Variants in CATSPERT observed in about 807,000 individuals in gnomAD.
The protein encoded by CATSPERT is cation channel sperm-associated targeting subunit tau.
At chr2:201,558,114 T>C in the CATSPERT span, 16 of 152,344 alleles carry the variant, frequency 1.1e-4, no homozygotes, top group African/African-American at 3.4e-4. Flanking sequence ...CAACTGTCTA[T>C]TGCATTTGAA....
At chr2:201,501,395 CAAA>C in the CATSPERT span, among the ~76,000 whole-genome samples, 1 of 46,600 alleles carries the variant, frequency 2.1e-5, no homozygotes, top group African/African-American at 8.4e-5. Context: ...AACTCCATCT[CAAA>C]AAAAAAAAAA....
At chr2:201,612,505 C>G in the CATSPERT span, among the ~76,000 whole-genome samples, 1 of 141,162 alleles carries the variant, frequency 7.1e-6, no homozygotes, top group African/African-American at 2.6e-5. Flanking sequence ...ACCCGGGAGG[C>G]GGAGGTTGCT....
At chr2:201,517,081 A>G in the CATSPERT span, among the ~76,000 whole-genome samples, 2 of 151,880 alleles carry the variant, frequency 1.3e-5, no homozygotes, top group Admixed American at 6.6e-5. Flanking sequence ...TTTGGTGCCT[A>G]TGTCTAACAG....
the CATSPERT span, among the ~76,000 whole-genome samples, chr2:201,561,910 T>C: frequency 6.6e-6 from 1 of 151,238 alleles, no homozygotes; most frequent in Non-Finnish European, 1.5e-5. Context: ...AAAAAGATAA[T>C]ATAAAACACC....
At chr2:201,566,974 A>G in the CATSPERT span, among the ~76,000 whole-genome samples, 1 of 152,238 alleles carries the variant, frequency 6.6e-6, no homozygotes, top group Non-Finnish European at 1.5e-5. Context: ...TAGAAAGATT[A>G]AACAACTCCT....
chr2:201,538,858 C>G, the CATSPERT span, among the ~76,000 whole-genome samples: 2 of 152,048 alleles, frequency 1.3e-5, no homozygotes, highest in Non-Finnish European at 2.9e-5. Flanking sequence ...GTGTTGTTCC[C>G]CTCTATGTGT....
the CATSPERT span, among the ~76,000 whole-genome samples, chr2:201,525,442 G>A: frequency 2.6e-5 from 4 of 152,122 alleles, no homozygotes; most frequent in African/African-American, 7.2e-5. Flanking sequence ...CAAGATCTCT[G>A]AGACCCAGCA....
At chr2:201,549,279 G>A in the CATSPERT span, among the ~76,000 whole-genome samples, 2 of 151,878 alleles carry the variant, frequency 1.3e-5, no homozygotes, top group African/African-American at 4.8e-5. Context: ...CTGCCCTAAT[G>A]TATATACAAC....
the CATSPERT span, chr2:201,494,380 C>T: frequency 2.6e-6 from 4 of 1,537,132 alleles, no homozygotes; most frequent in South Asian, 1.2e-5. Flanking sequence ...CGAGAGGTGA[C>T]ATGTGTTTGC....
At chr2:201,556,333 C>T in the CATSPERT span, among the ~76,000 whole-genome samples, 1 of 151,866 alleles carries the variant, frequency 6.6e-6, no homozygotes, top group Admixed American at 6.6e-5. Context: ...CACGGTGAAA[C>T]CCCGTCTCTA....
At chr2:201,556,610 T>C in the CATSPERT span, among the ~76,000 whole-genome samples, 1 of 151,726 alleles carries the variant, frequency 6.6e-6, no homozygotes, top group South Asian at 2.1e-4. Flanking sequence ...GCAGATCACC[T>C]GAGGTTAGGA....
chr2:201,548,028 A>G, the CATSPERT span, among the ~76,000 whole-genome samples: 8 of 152,272 alleles, frequency 5.3e-5, no homozygotes, highest in African/African-American at 1.9e-4. Context: ...ACAGAATACA[A>G]TAGACTGGGT....
chr2:201,545,518 T>A, the CATSPERT span: 6 of 1,322,894 alleles, frequency 4.5e-6, no homozygotes, highest in Non-Finnish European at 5.2e-6. Flanking sequence ...ATCTTAATAA[T>A]AAAAAAATCA....
At chr2:201,617,405 A>T in the CATSPERT span, among the ~76,000 whole-genome samples, 7 of 152,194 alleles carry the variant, frequency 4.6e-5, no homozygotes, top group Non-Finnish European at 1.0e-4. Context: ...ATAATACCAC[A>T]CATCTACAAC....
At chr2:201,534,598 C>G in the CATSPERT span, 1 of 985,150 alleles carries the variant, frequency 1.0e-6, no homozygotes, top group South Asian at 4.7e-5. Flanking sequence ...GCAGGGAAAA[C>G]CAAAATGACT....
chr2:201,557,244 C>T, the CATSPERT span: 4 of 152,116 alleles, frequency 2.6e-5, no homozygotes, highest in Admixed American at 2.6e-4. Flanking sequence ...TATTTCTCAT[C>T]CTTATACAAA....
At chr2:201,603,100 T>C in the CATSPERT span, 6 of 761,138 alleles carry the variant, frequency 7.9e-6, no homozygotes, top group African/African-American at 3.5e-5. Flanking sequence ...TGAACAGTAG[T>C]GATTGATGAT....
chr2:201,581,844 T>C, the CATSPERT span, among the ~76,000 whole-genome samples: 1 of 151,532 alleles, frequency 6.6e-6, no homozygotes, highest in African/African-American at 2.4e-5. Flanking sequence ...CCGACCTCAG[T>C]TGATCTGCCC....
the CATSPERT span, among the ~76,000 whole-genome samples, chr2:201,523,002 T>C: frequency 2.0e-5 from 3 of 152,300 alleles, no homozygotes; most frequent in South Asian, 6.2e-4. Context: ...CATAGCTCTT[T>C]GGCTGGCAGA....
Sources: allele counts gnomAD v4.1 joint callset (sites outside exome capture counted in the v4.1 genomes callset), GRCh38; gene constraint gnomAD v4.1.1; transcripts MANE v1.5; gene names NCBI Gene and HGNC (gene_info 2026-07-23, HGNC 2026-07-21).